FBXW8: variants seen among roughly 807,000 people sequenced by gnomAD.
The protein encoded by FBXW8 is F-box and WD repeat domain containing 8.
FBXW8 carries 57 observed loss-of-function variants against 65.3 expected under a neutral mutation model. That is an observed-to-expected ratio of 0.87 (90% CI 0.71 to 1.09). The LOEUF (loss-of-function observed/expected upper bound fraction) is 1.09. Ranked by LOEUF, FBXW8 falls within the 50% of genes least tolerant of loss-of-function variation. The probability of loss-of-function intolerance (pLI) is 0.00; values close to 1 mark genes in which losing one functional copy is unlikely to be tolerated. For missense variants in FBXW8, 777 were observed against 814.8 expected, an observed-to-expected ratio of 0.95 and a Z score of 0.57; for synonymous variants, 308 against 330.2, an observed-to-expected ratio of 0.93 and a Z score of 0.73.
chr12:116,987,114 C>T (rs541864949), intron 6 of FBXW8: 4 of 152,358 alleles, frequency 2.6e-5, no homozygotes, highest in Admixed American at 2.0e-4. Context: ...GCAGTGTTCC[C>T]AGGTCTGCGA....
chr12:117,022,693 A>G (rs1430249130), intron 8 of FBXW8, among the ~76,000 whole-genome samples: 1 of 152,084 alleles, frequency 6.6e-6, no homozygotes, highest in African/African-American at 2.4e-5. Flanking sequence ...ATAAAAAGAA[A>G]TGTGATCCAT....
rs1012399345 is a variant in FBXW8 at position 116,936,268 on chromosome 12, C to G, written c.423+8141C>G. Among the ~76,000 whole-genome samples, 4 of 152,202 alleles carry G rather than the reference C, an allele frequency of 2.6e-5. No individual in the cohort carries two copies. The highest frequency in any genetic ancestry group is 9.7e-5 in the African/African-American group (4 of 41,448). Reference sequence around the variant, plus strand: ...TGAGGCAGACACAGCTGAAGCTCATCTGAGGCAGGGTGCGCCTGTTGTGTT... The same window carrying G: ...TGAGGCAGACACAGCTGAAGCTCATGTGAGGCAGGGTGCGCCTGTTGTGTT... On this transcript the variant is annotated intron_variant, in intron 2 of 10. Coordinates refer to ENST00000652555, the MANE Select transcript of FBXW8 (RefSeq NM_153348.3). This position sits in a 1 kb window ranked among gnomAD's most constrained non-coding sequence, Gnocchi z 4.6.
rs138987101 is a variant in FBXW8 at position 117,009,207 on chromosome 12, A to C, written c.1240-1116A>C. 8.4e-3 allele frequency among the ~76,000 whole-genome samples: 1,278 copies of C among 152,302 alleles called. 18 individuals are homozygous for C. Among genetic ancestry groups the C allele is most frequent in the African/African-American group, 0.029 (1,215 of 41,550 alleles). ...GGCAACATAGTGAGACCGCTTCTCT[A>C]CTTAAAAAATTTTTTAAAAAAGAAA... is the stretch of plus-strand genomic sequence containing the variant. On this transcript the variant is annotated intron_variant, in intron 7 of 10. Coordinates refer to ENST00000652555, the MANE Select transcript of FBXW8 (RefSeq NM_153348.3).
chr12:117,007,418 C>T (rs1050187916), intron 7 of FBXW8, among the ~76,000 whole-genome samples: 1 of 152,164 alleles, frequency 6.6e-6, no homozygotes, highest in Non-Finnish European at 1.5e-5. Context: ...CATTGTAAAA[C>T]ACACAACCAG....
chr12:116,962,812 A>G (rs764615249), intron 4 of FBXW8, among the ~76,000 whole-genome samples: 1 of 152,172 alleles, frequency 6.6e-6, no homozygotes, highest in Non-Finnish European at 1.5e-5. Flanking sequence ...TAGCTAAGCA[A>G]GTGGCCTTAC....
At chr12:116,983,981 G>A (rs1019120813) in intron 5 of FBXW8, among the ~76,000 whole-genome samples, 7 of 152,142 alleles carry the variant, frequency 4.6e-5, no homozygotes, top group African/African-American at 1.7e-4. Flanking sequence ...AGCTGGATTT[G>A]AACTCAAATA....
intron 3 of FBXW8, 186 bp from the exon 4 acceptor site, chr12:116,949,432 G>A (rs893957213): frequency 3.1e-5 from 19 of 605,068 alleles, no homozygotes; most frequent in Non-Finnish European, 5.1e-5. Context: ...ATGGTAACTC[G>A]CCCATGCTTA....
chr12:116,920,504 G>T (rs1056528915), intron 1 of FBXW8, among the ~76,000 whole-genome samples: 1 of 152,224 alleles, frequency 6.6e-6, no homozygotes, highest in African/African-American at 2.4e-5. Flanking sequence ...ATAAATAAAT[G>T]TTCTGGAGAA....
At chr12:116,999,981 ATTTTTTTTTTT>A (rs71099027) in intron 7 of FBXW8, among the ~76,000 whole-genome samples, 1 of 128,800 alleles carries the variant, frequency 7.8e-6, no homozygotes, top group African/African-American at 2.9e-5. Context: ...TCTGCATCTC[ATTTTTTTTTTT>A]TTTTTTTTTG....
Position 116,931,253 on chromosome 12 carries a change from A to T in FBXW8, c.423+3126A>T, listed in dbSNP as rs201631402. On this transcript the variant is annotated intron_variant, in intron 2 of 10. Coordinates refer to ENST00000652555, the MANE Select transcript of FBXW8 (RefSeq NM_153348.3). The stretch of plus-strand genomic sequence containing the variant: ...TTTACTGGTCTATATATCTGTTTTT[A>T]TGCCAGTGACATGCTGTGTACATTG... Among the ~76,000 whole-genome samples, 5 of 152,330 alleles carry T rather than the reference A, an allele frequency of 3.3e-5. No individual in the cohort carries two copies. In the East Asian group the frequency reaches 9.6e-4, roughly 29 times the overall value.
At chr12:116,923,530 T>G (rs1565898440) in intron 1 of FBXW8, among the ~76,000 whole-genome samples, 2 of 151,684 alleles carry the variant, frequency 1.3e-5, no homozygotes, top group Non-Finnish European at 2.9e-5. Context: ...TCTTTTTTTT[T>G]TTGTTTTGAG....
At chr12:116,946,712 C>T (rs1056033339) in intron 3 of FBXW8, among the ~76,000 whole-genome samples, 1 of 152,080 alleles carries the variant, frequency 6.6e-6, no homozygotes. Context: ...TTCCATCCAC[C>T]TACGGTAATA....
intron 2 of FBXW8, among the ~76,000 whole-genome samples, chr12:116,937,894 A>G (rs1199389976): frequency 6.6e-6 from 1 of 152,080 alleles, no homozygotes; most frequent in East Asian, 1.9e-4. Context: ...GGTGCTATAA[A>G]GCAAAATGCT....
Position 116,938,225 on chromosome 12 carries a change from C to A in FBXW8, c.424-7139C>A, listed in dbSNP as rs553907033. Among the ~76,000 whole-genome samples, 4 of 152,120 alleles carry A rather than the reference C, an allele frequency of 2.6e-5. No individual in the cohort carries two copies. In the East Asian group the frequency reaches 7.7e-4, roughly 29 times the overall value. Reference sequence around the variant, plus strand: ...TTAAAAGAAGAAAGAAAAGCACCCTCCTTTTATAGTTTGCTAAAGAAATTG... The same window carrying A: ...TTAAAAGAAGAAAGAAAAGCACCCTACTTTTATAGTTTGCTAAAGAAATTG... On this transcript the variant is annotated intron_variant, in intron 2 of 10. Coordinates refer to ENST00000652555, the MANE Select transcript of FBXW8 (RefSeq NM_153348.3).
rs1883994365 is a variant in FBXW8 at position 116,961,752 on chromosome 12, G to C, written c.678-2945G>C. 6.6e-6 allele frequency among the ~76,000 whole-genome samples: 1 copy of C among 152,202 alleles called. No individual in the cohort carries two copies. Among genetic ancestry groups the C allele is most frequent in the Non-Finnish European group, 1.5e-5 (1 of 68,048 alleles). On this transcript the variant is annotated intron_variant, in intron 4 of 10. Coordinates refer to ENST00000652555, the MANE Select transcript of FBXW8 (RefSeq NM_153348.3). The surrounding 1 kb of genome is among the most constrained non-coding windows in gnomAD (Gnocchi z 4.4). ...CCACTGCCATGACGGAGACGTCCAG[G>C]CTGCCGTGAAGGTAGATCGTAGTGC...
chr12:116,930,860 T>C (rs1881713573), intron 2 of FBXW8, among the ~76,000 whole-genome samples: 1 of 152,232 alleles, frequency 6.6e-6, no homozygotes, highest in Non-Finnish European at 1.5e-5. Context: ...CAGGCTGGCA[T>C]GCAGTGGTAC....
At chr12:117,027,269 CTG>C (rs1954254005) in intron 9 of FBXW8, 123 bp from the exon 10 acceptor site, 2 of 732,838 alleles carry the variant, frequency 2.7e-6, no homozygotes, top group Non-Finnish European at 4.7e-6. Context: ...CCTGTTCCCT[CTG>C]TGAAAGAGAA....
At chr12:117,009,623 C>CT (rs1276513869) in intron 7 of FBXW8, among the ~76,000 whole-genome samples, 1 of 152,136 alleles carries the variant, frequency 6.6e-6, no homozygotes, top group Non-Finnish European at 1.5e-5. Flanking sequence ...TGAATTAATA[C>CT]TTTTTAAGCA....
intron 7 of FBXW8, among the ~76,000 whole-genome samples, chr12:117,008,899 G>C (rs548620639): frequency 6.6e-6 from 1 of 152,202 alleles, no homozygotes; most frequent in South Asian, 2.1e-4. Context: ...TCAGGAGATC[G>C]AGACCAGCCT....
Sources: allele counts gnomAD v4.1 joint callset (sites outside exome capture counted in the v4.1 genomes callset), GRCh38; gene constraint gnomAD v4.1.1; non-coding constraint Gnocchi (gnomAD v3.1); transcripts MANE v1.5; gene names NCBI Gene and HGNC (gene_info 2026-07-23, HGNC 2026-07-21).